CAMTA1: variants seen among roughly 807,000 people sequenced by gnomAD.
The protein encoded by CAMTA1 is calmodulin-binding transcription activator 1.
CAMTA1 carries 27 observed loss-of-function variants against 170.9 expected under a neutral mutation model. That is an observed-to-expected ratio of 0.16 (90% confidence interval 0.12 to 0.22). The LOEUF is 0.22. CAMTA1 is among the 10% of genes least tolerant of loss of function. The pLI, the probability that CAMTA1 is intolerant of heterozygous loss-of-function variation, is 1.00. For missense variants in CAMTA1, 1,619 were observed against 2,217.2 expected, an observed-to-expected ratio of 0.73 and a Z score of 5.42; for synonymous variants, 833 against 891.5, an observed-to-expected ratio of 0.93 and a Z score of 1.17.
intron 5 of CAMTA1, among the ~76,000 whole-genome samples, chr1:7,351,060 T>A (rs2149885194): frequency 6.6e-6 from 1 of 152,356 alleles, no homozygotes; most frequent in South Asian, 2.1e-4. Flanking sequence ...AGGTCCCTCC[T>A]GAGCATTTTG....
intron 4 of CAMTA1, among the ~76,000 whole-genome samples, chr1:7,097,100 C>T (rs1642176193): frequency 2.0e-5 from 3 of 152,222 alleles, no homozygotes. Flanking sequence ...CTTCCCCAAA[C>T]TCACCAACTC....
intron 5 of CAMTA1, among the ~76,000 whole-genome samples, chr1:7,334,107 A>C (rs2083202550): frequency 6.6e-6 from 1 of 152,250 alleles, no homozygotes; most frequent in Non-Finnish European, 1.5e-5. Context: ...TTTAGATCTC[A>C]AACATCGCTG....
intron 4 of CAMTA1, among the ~76,000 whole-genome samples, chr1:7,165,598 A>C (rs1306432935): frequency 1.3e-5 from 2 of 151,940 alleles, no homozygotes; most frequent in Non-Finnish European, 2.9e-5. Context: ...TGCCTGACTA[A>C]TTTTAGTATT....
At chr1:7,765,493 C>T (rs2097014219) in intron 22 of CAMTA1, among the ~76,000 whole-genome samples, 1 of 152,132 alleles carries the variant, frequency 6.6e-6, no homozygotes, top group Admixed American at 6.5e-5. Context: ...ATGAATAGAA[C>T]GAAGTACCTT....
chr1:7,051,283 C>T lies in CAMTA1; in HGVS notation c.235-40021C>T, dbSNP rs568244721. On this transcript the variant is annotated intron_variant, in intron 3 of 22. Transcript: ENST00000303635. ...CAGTGAGCTGTTTGGGAGATGGCCA[C>T]GTGCAGAGGCAGACGGCAGCTGACG... Among the ~76,000 whole-genome samples, 15 of 152,286 alleles carry T rather than the reference C, an allele frequency of 9.8e-5. No individual in the cohort carries two copies. In the East Asian group the frequency reaches 1.2e-3, roughly 12 times the overall value.
chr1:6,785,475 G>C lies in CAMTA1; in HGVS notation c.-56G>C. 1 of 934,042 alleles carries C rather than the reference G, an allele frequency of 1.1e-6. No individual in the cohort carries two copies. Among genetic ancestry groups the C allele is most frequent in the African/African-American group, 1.8e-5 (1 of 54,958 alleles). The allele number at this position is 934,042 out of a possible 1,614,324, so 57.9% of individuals were successfully genotyped here. A position where few individuals can be genotyped will look rare whatever the true frequency, so the allele number is the denominator to read the frequency against. ...CGGCGGCGGCGGGGTGGCTGGGCCG[G>C]CGGCGGCGGCGGTACGAGGCGCGCG... On this transcript the variant is annotated 5_prime_UTR_variant, in exon 1 of 23. Coordinates refer to ENST00000303635, the MANE Select transcript of CAMTA1 (RefSeq NM_015215.4).
At chr1:7,329,491 CA>C (rs1343981240) in intron 5 of CAMTA1, among the ~76,000 whole-genome samples, 1 of 152,020 alleles carries the variant, frequency 6.6e-6, no homozygotes, top group Non-Finnish European at 1.5e-5. Context: ...CACCTATGAC[CA>C]AAAATGCTTT....
intron 16 of CAMTA1, among the ~76,000 whole-genome samples, chr1:7,743,201 G>T (rs547801204): frequency 6.6e-5 from 10 of 151,910 alleles, no homozygotes; most frequent in Non-Finnish European, 1.5e-4. Flanking sequence ...TTACAAAAAC[G>T]AATTGTTCTT....
intron 4 of CAMTA1, among the ~76,000 whole-genome samples, chr1:7,227,906 A>C (rs1483967636): frequency 1.3e-5 from 2 of 150,186 alleles, no homozygotes; most frequent in Admixed American, 6.6e-5. Flanking sequence ...GACTGCAAGA[A>C]AGAAGGGCCA....
At chr1:7,459,307 G>A (rs558577443) in intron 5 of CAMTA1, among the ~76,000 whole-genome samples, 1 of 152,178 alleles carries the variant, frequency 6.6e-6, no homozygotes, top group Admixed American at 6.5e-5. Context: ...GAGAACTAGG[G>A]TAAGAGGAAT....
rs940503224 is a variant in CAMTA1, at chr1:7,601,928, G to A, written c.511-38472G>A. 5.3e-5 allele frequency among the ~76,000 whole-genome samples: 8 copies of A among 150,718 alleles called. No individual in the cohort carries two copies. In the East Asian group the frequency reaches 5.9e-4, roughly 11 times the overall value. On this transcript the variant is annotated intron_variant, in intron 6 of 22. Coordinates refer to ENST00000303635, the MANE Select transcript of CAMTA1 (RefSeq NM_015215.4). ...TTTGGCTCGGCATCAGGAGGAGACC[G>A]TGGAAAGAGAGGGAGAGGGAGACCG...
chr1:7,594,242 A>AAGGAAGGAAGGAAGG (rs59901874), intron 6 of CAMTA1, among the ~76,000 whole-genome samples: 4,725 of 123,650 alleles, frequency 0.038, 230 homozygotes, highest in African/African-American at 0.073. Context: ...AGGAAGGAAG[A>AAGGAAGGAAGGAAGG]AAGAAAAGAA....
chr1:6,847,911 G>A (rs1387734624), intron 3 of CAMTA1, among the ~76,000 whole-genome samples: 5 of 149,138 alleles, frequency 3.4e-5, no homozygotes, highest in African/African-American at 1.2e-4. Flanking sequence ...CGGGGTTTCA[G>A]CATGTTGGTC....
At chr1:7,147,410 C>A (rs1646266238) in intron 4 of CAMTA1, among the ~76,000 whole-genome samples, 1 of 134,430 alleles carries the variant, frequency 7.4e-6, no homozygotes, top group African/African-American at 2.9e-5. Context: ...GGTAACAGAG[C>A]GAGACTCCGT....
rs749008073 is a variant in CAMTA1 at position 7,664,003 on chromosome 1, G to A, written c.1456G>A (p.Asp486Asn). 8.7e-6 allele frequency: 14 copies of A among 1,613,738 alleles called. No homozygotes were observed. The highest frequency in any genetic ancestry group is 1.1e-5 in the Non-Finnish European group (13 of 1,180,040). The change falls in exon 9 of 23, where the codon GAC (aspartate) becomes AAC (asparagine). Residue 486 changes from aspartate (D) to asparagine (N), a missense_variant. Physicochemically the swap from Asp to Asn is conservative, Grantham distance 23. This residue lies in a region of CAMTA1 where 731 missense variants were observed against 907.6 expected (regional missense o/e 0.81). Transcript: ENST00000303635. ...IPETTMNFDP[D>N]CFLNNPKQGQ... ...AGAAACCACCATGAACTTTGACCCCGACTGTTTCCTTAATAACCCAAAGCA... is the reference window on the plus strand; with the variant it reads ...AGAAACCACCATGAACTTTGACCCCAACTGTTTCCTTAATAACCCAAAGCA...
chr1:7,756,835 G>A (rs967929516), intron 22 of CAMTA1, among the ~76,000 whole-genome samples: 13 of 151,898 alleles, frequency 8.6e-5, no homozygotes, highest in African/African-American at 2.2e-4. Context: ...GCAACAGAGC[G>A]AGACCCTGTC....
chr1:7,212,732 A>T (rs1659008404), intron 4 of CAMTA1, among the ~76,000 whole-genome samples: 2 of 152,110 alleles, frequency 1.3e-5, no homozygotes, highest in Non-Finnish European at 2.9e-5. Context: ...GTGCTGCAGG[A>T]TGCCCTTTTT....
chr1:7,162,262 A>G (rs1647357909), intron 4 of CAMTA1, among the ~76,000 whole-genome samples: 1 of 152,160 alleles, frequency 6.6e-6, no homozygotes. Context: ...GGTGCAGTGG[A>G]CGCCATTCGA....
At chr1:7,593,208 G>C (rs1288674368) in intron 6 of CAMTA1, among the ~76,000 whole-genome samples, 1 of 152,134 alleles carries the variant, frequency 6.6e-6, no homozygotes, top group African/African-American at 2.4e-5. Context: ...CTTGCACAGT[G>C]AATCACCTGG....
Sources: gnomAD v4.1 joint callset for allele counts (sites outside exome capture counted in the v4.1 genomes callset) on GRCh38, gnomAD v4.1.1 for gene constraint, gnomAD v4.1.1 regional missense constraint, MANE v1.5 for transcripts, NCBI Gene and HGNC (gene_info 2026-07-23, HGNC 2026-07-21) for gene names.